Variants in GRID1 observed in about 807,000 individuals in gnomAD.
The protein encoded by GRID1 is glutamate receptor ionotropic, delta-1.
A neutral mutation model predicts 98.0 loss-of-function variants in GRID1; 28 were observed. The ratio of observed to expected loss-of-function variants is 0.29; its 90% CI spans 0.21 to 0.39. The LOEUF is 0.39. Among genes scored for constraint, GRID1 ranks in the 10% least tolerant of loss-of-function variants. The pLI, the probability that GRID1 is intolerant of heterozygous loss-of-function variation, is 1.00. For synonymous variants in GRID1, 553 were observed against 538.5 expected, an observed-to-expected ratio of 1.03 and a Z score of -0.37; for missense variants, 1,111 against 1,340.5, an observed-to-expected ratio of 0.83 and a Z score of 2.67.
At chr10:85,902,794 C>T (rs1042100681) in intron 5 of GRID1, among the ~76,000 whole-genome samples, 9 of 152,158 alleles carry the variant, frequency 5.9e-5, no homozygotes, top group Middle Eastern at 3.2e-3. Context: ...CCACCTTTCC[C>T]GGCATTCCCC....
At chr10:86,068,826 A>T (rs151103299) in intron 4 of GRID1, among the ~76,000 whole-genome samples, 1 of 152,198 alleles carries the variant, frequency 6.6e-6, no homozygotes, top group Admixed American at 6.5e-5. Flanking sequence ...CTTTGTAGGT[A>T]TTAATTACTG....
At chr10:85,668,613 CT>C (rs943908435) in intron 12 of GRID1, among the ~76,000 whole-genome samples, 3 of 152,206 alleles carry the variant, frequency 2.0e-5, no homozygotes, top group African/African-American at 7.2e-5. Flanking sequence ...TTTTATAGAC[CT>C]AAAAAATGAG....
chr10:85,981,252 C>T (rs146647379), intron 4 of GRID1, among the ~76,000 whole-genome samples: 71 of 152,356 alleles, frequency 4.7e-4, no homozygotes, highest in African/African-American at 1.4e-3. Context: ...CCTCTTCAGG[C>T]ACAAGCTTTC....
intron 8 of GRID1, among the ~76,000 whole-genome samples, chr10:85,762,534 G>T (rs983586496): frequency 1.7e-4 from 26 of 152,166 alleles, no homozygotes; most frequent in Non-Finnish European, 3.5e-4. Context: ...TTTGTGAGTT[G>T]CTCCCCAGTC....
intron 6 of GRID1, among the ~76,000 whole-genome samples, chr10:85,864,668 A>G (rs1426743129): frequency 2.0e-5 from 3 of 152,224 alleles, no homozygotes; most frequent in Admixed American, 1.3e-4. Context: ...AAAACCTTTT[A>G]GCCATGGAAG....
intron 13 of GRID1, among the ~76,000 whole-genome samples, chr10:85,639,628 C>T (rs1434259127): frequency 6.6e-6 from 1 of 152,144 alleles, no homozygotes; most frequent in Non-Finnish European, 1.5e-5. Flanking sequence ...AATCCCAGCA[C>T]TTTGGGAGGC....
chr10:85,969,016 A>G (rs777036050), intron 4 of GRID1, among the ~76,000 whole-genome samples: 15 of 152,250 alleles, frequency 9.9e-5, no homozygotes, highest in Non-Finnish European at 1.8e-4. Context: ...CCATACAAAC[A>G]GTAACCACAA....
chr10:86,364,960 C>A (rs537410356), intron 1 of GRID1, among the ~76,000 whole-genome samples: 1 of 152,210 alleles, frequency 6.6e-6, no homozygotes, highest in Non-Finnish European at 1.5e-5. Context: ...CCAGCCCGAG[C>A]CTAGTCCTGC....
At chr10:86,111,411 T>C (rs1032076151) in intron 4 of GRID1, among the ~76,000 whole-genome samples, 1 of 152,162 alleles carries the variant, frequency 6.6e-6, no homozygotes, top group Non-Finnish European at 1.5e-5. Context: ...CTGGCCTGGA[T>C]AGAGAAAGCA....
chr10:85,764,120 G>T (rs1052615761), intron 8 of GRID1, among the ~76,000 whole-genome samples: 2 of 152,162 alleles, frequency 1.3e-5, no homozygotes, highest in Admixed American at 6.5e-5. Flanking sequence ...CCCCTGAAGT[G>T]GTGAGTCTTT....
chr10:85,872,329 A>G (rs1209498605), intron 5 of GRID1, among the ~76,000 whole-genome samples: 1 of 152,206 alleles, frequency 6.6e-6, no homozygotes, highest in Non-Finnish European at 1.5e-5. Flanking sequence ...TACACCTCCA[A>G]GAGGAATTGG....
intron 4 of GRID1, among the ~76,000 whole-genome samples, chr10:85,952,535 G>A (rs1179790300): frequency 1.3e-5 from 2 of 152,030 alleles, no homozygotes; most frequent in Non-Finnish European, 2.9e-5. Context: ...GTTTAAGTGT[G>A]GGATCTGCAA....
chr10:85,627,952 G>A (rs998916670), intron 13 of GRID1, among the ~76,000 whole-genome samples: 1 of 152,144 alleles, frequency 6.6e-6, no homozygotes, highest in South Asian at 2.1e-4. Context: ...CACCAAGTCA[G>A]CAACACACTC....
intron 2 of GRID1, among the ~76,000 whole-genome samples, chr10:86,275,816 G>A (rs1847260931): frequency 1.3e-5 from 2 of 152,126 alleles, no homozygotes; most frequent in Admixed American, 1.3e-4. Context: ...CTCATTATGA[G>A]TGTTCCAGAA....
At chr10:86,243,842 C>T (rs944535609) in intron 2 of GRID1, among the ~76,000 whole-genome samples, 4 of 152,300 alleles carry the variant, frequency 2.6e-5, no homozygotes, top group African/African-American at 7.2e-5. Context: ...ATGTCACGGC[C>T]GAGCAGGGGT....
intron 12 of GRID1, among the ~76,000 whole-genome samples, chr10:85,666,034 C>T (rs1841015930): frequency 6.6e-6 from 1 of 152,144 alleles, no homozygotes; most frequent in South Asian, 2.1e-4. Flanking sequence ...AAGAAAGAAA[C>T]TAGACAAAGA....
chr10:86,350,013 A>G (rs1848440578), intron 2 of GRID1, among the ~76,000 whole-genome samples: 1 of 152,232 alleles, frequency 6.6e-6, no homozygotes, highest in African/African-American at 2.4e-5. Context: ...AGCTTCTCTG[A>G]GGAGGTAAGA....
intron 4 of GRID1, among the ~76,000 whole-genome samples, chr10:86,113,252 A>T (rs2131953562): frequency 6.6e-6 from 1 of 152,288 alleles, no homozygotes; most frequent in Middle Eastern, 3.4e-3. Flanking sequence ...CTCCTCGTCT[A>T]GCCCACATAA....
chr10:86,142,515 C>T (rs1469832003), intron 3 of GRID1, among the ~76,000 whole-genome samples: 3 of 152,270 alleles, frequency 2.0e-5, no homozygotes, highest in Non-Finnish European at 2.9e-5. Flanking sequence ...GTGGTCCTCA[C>T]TGCCCATGGC....
Sources: allele counts gnomAD v4.1 joint callset (sites outside exome capture counted in the v4.1 genomes callset), GRCh38; gene constraint gnomAD v4.1.1; transcripts MANE v1.5; gene names NCBI Gene and HGNC (gene_info 2026-07-23, HGNC 2026-07-21).